Variants in BRINP1 observed in about 807,000 individuals in gnomAD.
BRINP1 encodes the protein BMP/retinoic acid-inducible neural-specific protein 1.
BRINP1 carries 17 observed loss-of-function variants against 72.9 expected under a neutral mutation model. The ratio of observed to expected loss-of-function variants is 0.23; its 90% CI spans 0.16 to 0.35. The LOEUF (loss-of-function observed/expected upper bound fraction) is 0.35. Among genes scored for constraint, BRINP1 ranks in the 10% least tolerant of loss-of-function variants. BRINP1 has a pLI of 1.00. For synonymous variants in BRINP1, 418 were observed against 378.5 expected (o/e 1.10, Z -1.21); for missense variants, 850 against 1,001.6 (o/e 0.85, Z 2.04).
intron 7 of BRINP1, among the ~76,000 whole-genome samples, chr9:119,194,803 G>A (rs1829718368): frequency 6.6e-6 from 1 of 152,096 alleles, no homozygotes; most frequent in South Asian, 2.1e-4. Flanking sequence ...TAAGAGCCTG[G>A]TCTGTCCAAC....
intron 2 of BRINP1, among the ~76,000 whole-genome samples, chr9:119,266,236 C>G (rs1339051483): frequency 6.6e-6 from 1 of 152,102 alleles, no homozygotes; most frequent in Non-Finnish European, 1.5e-5. Flanking sequence ...GGAGGAGCAA[C>G]TGTAAAATGT....
intron 7 of BRINP1, among the ~76,000 whole-genome samples, chr9:119,169,654 C>T (rs1024827714): frequency 2.0e-5 from 3 of 152,246 alleles, no homozygotes; most frequent in Admixed American, 6.5e-5. Context: ...CTGCCTGCCT[C>T]TGTAGGCTCC....
chr9:119,212,468 C>A (rs1829938552), intron 6 of BRINP1, among the ~76,000 whole-genome samples: 1 of 152,190 alleles, frequency 6.6e-6, no homozygotes, highest in Non-Finnish European at 1.5e-5. Flanking sequence ...AATTAAGTTA[C>A]CAAATCTGCT....
intron 2 of BRINP1, among the ~76,000 whole-genome samples, chr9:119,285,730 C>G (rs529393449): frequency 2.0e-5 from 3 of 152,240 alleles, no homozygotes; most frequent in East Asian, 1.9e-4. Context: ...TCTAACTATC[C>G]CTTAGGTTTT....
At chr9:119,287,168 T>G (rs113973249) in intron 2 of BRINP1, among the ~76,000 whole-genome samples, 11 of 152,332 alleles carry the variant, frequency 7.2e-5, no homozygotes, top group African/African-American at 1.7e-4. Flanking sequence ...ATGCAGCACT[T>G]TTATTTTAAA....
intron 1 of BRINP1, among the ~76,000 whole-genome samples, chr9:119,367,221 G>GTGTGATATATATATATATATAT (rs1564259756): frequency 6.8e-4 from 68 of 99,866 alleles, no homozygotes; most frequent in Non-Finnish European, 1.0e-3. Context: ...GTGTGTGATT[G>GTGTGATATATATATATATATAT]ATATATATAT....
At chr9:119,346,730 C>T (rs1831456545) in intron 1 of BRINP1, among the ~76,000 whole-genome samples, 1 of 152,178 alleles carries the variant, frequency 6.6e-6, no homozygotes. Flanking sequence ...ATGAAAATCT[C>T]AAAGGCATTT....
chr9:119,274,872 A>G (rs1166862639), intron 2 of BRINP1, among the ~76,000 whole-genome samples: 8 of 152,210 alleles, frequency 5.3e-5, no homozygotes, highest in Admixed American at 3.3e-4. Flanking sequence ...ATATGTGTAT[A>G]TACACATATA....
intron 2 of BRINP1, among the ~76,000 whole-genome samples, chr9:119,255,086 A>C (rs1426082264): frequency 1.3e-5 from 2 of 152,272 alleles, no homozygotes; most frequent in East Asian, 3.8e-4. Flanking sequence ...ACCTTAAAAA[A>C]AATAATGTAA....
intron 1 of BRINP1, among the ~76,000 whole-genome samples, chr9:119,356,865 T>TATACTCA (rs1831573030): frequency 6.6e-6 from 1 of 151,718 alleles, no homozygotes; most frequent in Admixed American, 6.6e-5. Flanking sequence ...CATAAAAGGG[T>TATACTCA]ATACTCAATA....
At chr9:119,338,149 T>C (rs1289017876) in intron 1 of BRINP1, among the ~76,000 whole-genome samples, 2 of 152,172 alleles carry the variant, frequency 1.3e-5, no homozygotes, top group Non-Finnish European at 2.9e-5. Flanking sequence ...TCTAGGCCAA[T>C]GCTGCTGCTT....
intron 2 of BRINP1, among the ~76,000 whole-genome samples, chr9:119,301,138 C>G (rs1399795042): frequency 6.6e-6 from 1 of 152,292 alleles, no homozygotes; most frequent in East Asian, 1.9e-4. Context: ...AGTTTAAATT[C>G]AACATTTTCA....
chr9:119,346,422 A>G (rs1364168865), intron 1 of BRINP1, among the ~76,000 whole-genome samples: 1 of 152,230 alleles, frequency 6.6e-6, no homozygotes, highest in Non-Finnish European at 1.5e-5. Context: ...GTTATTTAAC[A>G]AAACAGACAC....
chr9:119,241,903 T>G (rs1830253658), intron 4 of BRINP1, 144 bp downstream of exon 4: 1 of 795,382 alleles, frequency 1.3e-6, no homozygotes, highest in Non-Finnish European at 2.0e-6. Flanking sequence ...TGTGACAATA[T>G]CAGTCAAAGC....
At chr9:119,350,648 G>T (rs140803828) in intron 1 of BRINP1, among the ~76,000 whole-genome samples, 1 of 144,808 alleles carries the variant, frequency 6.9e-6, no homozygotes, top group Non-Finnish European at 1.5e-5. Context: ...ACACTCGCAC[G>T]TCCATGAACA....
At chr9:119,283,138 T>C (rs1588190461) in intron 2 of BRINP1, 3 of 984,916 alleles carry the variant, frequency 3.0e-6, no homozygotes, top group Non-Finnish European at 3.6e-6. Context: ...CCGGCTGTGG[T>C]TGTAAATGAG....
chr9:119,293,771 CGAA>C (rs1248787269), intron 2 of BRINP1, among the ~76,000 whole-genome samples: 2 of 151,722 alleles, frequency 1.3e-5, no homozygotes, highest in East Asian at 1.9e-4. Context: ...AAAAAGAAAA[CGAA>C]GAAGATGGAA....
intron 1 of BRINP1, among the ~76,000 whole-genome samples, chr9:119,365,437 G>T (rs1386946344): frequency 6.6e-6 from 1 of 152,122 alleles, no homozygotes; most frequent in Admixed American, 6.5e-5. Context: ...GTTAAGCTTT[G>T]TATTTCAGCA....
At chr9:119,253,118 T>A (rs538438709) in intron 2 of BRINP1, among the ~76,000 whole-genome samples, 58 of 151,968 alleles carry the variant, frequency 3.8e-4, no homozygotes, top group African/African-American at 1.3e-3. Context: ...ACGGACAGAG[T>A]TTTTTATCCC....
Sources: gnomAD v4.1 joint callset for allele counts (sites outside exome capture counted in the v4.1 genomes callset) on GRCh38, gnomAD v4.1.1 for gene constraint, MANE v1.5 for transcripts, NCBI Gene and HGNC (gene_info 2026-07-23, HGNC 2026-07-21) for gene names.